Variants in ARHGEF3 observed in about 807,000 individuals in gnomAD.
ARHGEF3 encodes the protein Rho guanine nucleotide exchange factor 3.
A neutral mutation model predicts 63.2 loss-of-function variants in ARHGEF3; 28 were observed. That is an observed-to-expected ratio of 0.44 (90% CI 0.33 to 0.61). The LOEUF is 0.61. Ranked by LOEUF, ARHGEF3 falls within the 20% of genes least tolerant of loss-of-function variation. The pLI is 0.03. For synonymous variants in ARHGEF3, 266 were observed against 254.2 expected (o/e 1.05, Z -0.44); for missense variants, 533 against 659.3 (o/e 0.81, Z 2.10).
intron 2 of ARHGEF3, among the ~76,000 whole-genome samples, chr3:57,014,469 T>C (rs1702885312): frequency 6.6e-6 from 1 of 152,204 alleles, no homozygotes; most frequent in African/African-American, 2.4e-5. Flanking sequence ...ATATGTGGTA[T>C]AATTCTATTA....
chr3:56,905,321 C>T (rs753455785), intron 3 of ARHGEF3, among the ~76,000 whole-genome samples: 1 of 152,182 alleles, frequency 6.6e-6, no homozygotes, highest in Non-Finnish European at 1.5e-5. Flanking sequence ...CATAAATAAG[C>T]AAATCATCTA....
chr3:56,801,778 G>A lies in ARHGEF3; in HGVS notation c.21C>T (p.Pro7=). Residue 7 remains proline, a synonymous_variant, in exon 1 of 10, where the codon CCC becomes CCT. Coordinates refer to ENST00000296315, the MANE Select transcript of ARHGEF3 (RefSeq NM_019555.3). ...TCGCTCTCTTGACCGTGAGGTAGAA[G>A]GGGTAATCCTTGGCCACCATGGCGG... MVAKDY[P]FYLTVKRANC... The A allele has an allele frequency of 6.4e-7, 1 of 1,567,338 alleles. No homozygotes were observed. The highest frequency in any genetic ancestry group is 8.7e-7 in the Non-Finnish European group (1 of 1,154,814).
chr3:56,734,232 G>A (rs80219713), intron 8 of ARHGEF3, among the ~76,000 whole-genome samples: 3,427 of 152,182 alleles, frequency 0.023, 96 homozygotes, highest in Non-Finnish European at 0.031. Flanking sequence ...AAATGCTTAC[G>A]AACTGAAGTG....
intron 2 of ARHGEF3, among the ~76,000 whole-genome samples, chr3:56,969,369 T>G (rs1198031581): frequency 2.6e-5 from 3 of 113,858 alleles, no homozygotes; most frequent in African/African-American, 9.2e-5. Flanking sequence ...TATAAAGAAG[T>G]GTTCTTTTTT....
intron 3 of ARHGEF3, among the ~76,000 whole-genome samples, chr3:56,883,684 C>T (rs1454018937): frequency 6.6e-6 from 1 of 152,198 alleles, no homozygotes; most frequent in African/African-American, 2.4e-5. Flanking sequence ...TCTGCACCCC[C>T]AGCTCAACCA....
At chr3:56,758,534 A>T (rs1053604931) in intron 2 of ARHGEF3, among the ~76,000 whole-genome samples, 1 of 152,208 alleles carries the variant, frequency 6.6e-6, no homozygotes, top group African/African-American at 2.4e-5. Context: ...TGGAAGCAGG[A>T]CGCTCACTCT....
intron 7 of ARHGEF3, 123 bp from the exon 8 acceptor site, chr3:56,737,478 G>T: frequency 7.7e-6 from 5 of 651,250 alleles, no homozygotes; most frequent in African/African-American, 2.1e-5. Context: ...TATCTAAGTT[G>T]CTACTTTGGG....
intron 2 of ARHGEF3, chr3:57,007,061 T>C: frequency 4.5e-6 from 4 of 892,894 alleles, no homozygotes; most frequent in Non-Finnish European, 4.4e-6. Flanking sequence ...CTCCTCACTC[T>C]GGGTGCTGAC....
At chr3:56,974,546 G>T (rs1701047914) in intron 2 of ARHGEF3, among the ~76,000 whole-genome samples, 1 of 152,160 alleles carries the variant, frequency 6.6e-6, no homozygotes, top group African/African-American at 2.4e-5. Flanking sequence ...TTTGTAAGAG[G>T]TCTTCTGGAA....
At chr3:57,022,697 G>A (rs1164530478) in intron 2 of ARHGEF3, among the ~76,000 whole-genome samples, 1 of 149,832 alleles carries the variant, frequency 6.7e-6, no homozygotes, top group Non-Finnish European at 1.5e-5. Context: ...AATCTCCCGA[G>A]ACTGCCCTGT....
intron 1 of ARHGEF3, among the ~76,000 whole-genome samples, chr3:57,052,780 G>A (rs1377284608): frequency 2.0e-5 from 3 of 152,108 alleles, no homozygotes; most frequent in African/African-American, 4.8e-5. Flanking sequence ...GCCTGGAATC[G>A]AAGTGCGTCC....
intron 7 of ARHGEF3, among the ~76,000 whole-genome samples, chr3:56,742,213 TG>T (rs1196958158): frequency 6.7e-6 from 1 of 149,120 alleles, no homozygotes; most frequent in East Asian, 2.0e-4. Flanking sequence ...AGTGGTGAGG[TG>T]GGGGGAAGGG....
intron 3 of ARHGEF3, among the ~76,000 whole-genome samples, chr3:56,907,598 C>A (rs2041727924): frequency 6.6e-6 from 1 of 152,070 alleles, no homozygotes; most frequent in Non-Finnish European, 1.5e-5. Context: ...TTCACAATAG[C>A]AAAGACATGG....
intron 1 of ARHGEF3, among the ~76,000 whole-genome samples, chr3:57,063,727 A>T (rs992285873): frequency 1.1e-4 from 17 of 152,168 alleles, no homozygotes; most frequent in Admixed American, 2.0e-4. Flanking sequence ...GTCAGGAAGG[A>T]TGGCAACAGA....
chr3:56,877,495 C>T lies in ARHGEF3; in HGVS notation c.192+4797G>A, dbSNP rs867638340. On this transcript the variant is annotated intron_variant, in intron 4 of 12. Transcript: ENST00000338458. Reference sequence around the variant, plus strand: ...CAATCGATCCTCCCACTTCAGCTTCCCAAGTAGCGGCGACTACAGCCATGC... The same window carrying T: ...CAATCGATCCTCCCACTTCAGCTTCTCAAGTAGCGGCGACTACAGCCATGC... Among the ~76,000 whole-genome samples the T allele has an allele frequency of 2.6e-5, 4 of 151,790 alleles. No individual in the cohort carries two copies. In the South Asian group the frequency reaches 8.3e-4, roughly 32 times the overall value.
intron 2 of ARHGEF3, among the ~76,000 whole-genome samples, chr3:56,768,582 C>T (rs1429797062): frequency 6.6e-6 from 1 of 150,682 alleles, no homozygotes; most frequent in Admixed American, 6.6e-5. Flanking sequence ...ATACTCCCCC[C>T]TAAGCTAGAT....
At chr3:56,735,482 C>T (rs1375740199) in intron 8 of ARHGEF3, among the ~76,000 whole-genome samples, 1 of 152,042 alleles carries the variant, frequency 6.6e-6, no homozygotes, top group Admixed American at 6.5e-5. Context: ...TCTTTGTTCT[C>T]AAAAATCTAT....
At chr3:57,013,925 A>C (rs1702823371) in intron 2 of ARHGEF3, among the ~76,000 whole-genome samples, 2 of 152,350 alleles carry the variant, frequency 1.3e-5, no homozygotes, top group Non-Finnish European at 2.9e-5. Flanking sequence ...CAGCAGCGGC[A>C]ACTCTTTGGG....
intron 2 of ARHGEF3, among the ~76,000 whole-genome samples, chr3:56,967,212 CAT>C (rs975035176): frequency 6.5e-5 from 9 of 137,804 alleles, no homozygotes; most frequent in African/African-American, 2.4e-4. Flanking sequence ...ATGTGAACCA[CAT>C]ATGTAATTTA....
Sources: gnomAD v4.1 joint callset for allele counts (sites outside exome capture counted in the v4.1 genomes callset) on GRCh38, gnomAD v4.1.1 for gene constraint, MANE v1.5 for transcripts, NCBI Gene and HGNC (gene_info 2026-07-23, HGNC 2026-07-21) for gene names.